CDH23: variants seen among roughly 807,000 people sequenced by gnomAD.
CDH23 encodes the protein cadherin related 23.
A neutral mutation model predicts 317.1 loss-of-function variants in CDH23; 189 were observed. That is an observed-to-expected ratio of 0.60 (90% CI 0.53 to 0.67). The LOEUF (loss-of-function observed/expected upper bound fraction) is 0.67, where lower values mean the gene tolerates loss of function less well. Among genes scored for constraint, CDH23 ranks in the 30% least tolerant of loss-of-function variants. The pLI, the probability that CDH23 is intolerant of heterozygous loss-of-function variation, is 0.00. For missense variants in CDH23, 4,401 were observed against 4,592.4 expected (o/e 0.96, Z 1.20); for synonymous variants, 1,839 against 1,876.8 (o/e 0.98, Z 0.52).
chr10:71,734,578 G>A, intron 33 of CDH23, 78 bp from the exon 34 acceptor site: 1 of 1,603,462 alleles, frequency 6.2e-7, no homozygotes, highest in South Asian at 1.1e-5. Context: ...AGTGGGGTCT[G>A]GAAGAGCCAC....
intron 3 of CDH23, among the ~76,000 whole-genome samples, chr10:71,452,346 G>T (rs748300424): frequency 6.6e-6 from 1 of 152,180 alleles, no homozygotes. Flanking sequence ...GTAACCGCCC[G>T]CAGCCAGAAG....
At chr10:71,728,843 A>G (rs990165757) in intron 30 of CDH23, among the ~76,000 whole-genome samples, 1 of 152,122 alleles carries the variant, frequency 6.6e-6, no homozygotes, top group Admixed American at 6.5e-5. Context: ...AGCTGGGATT[A>G]CAGATGCATG....
chr10:71,724,748 C>T (rs1210673535), intron 29 of CDH23, among the ~76,000 whole-genome samples: 1 of 152,244 alleles, frequency 6.6e-6, no homozygotes, highest in African/African-American at 2.4e-5. Flanking sequence ...CAATCAGAAT[C>T]CAGTGCCCAT....
chr10:71,610,030 A>T (rs1164702388), intron 9 of CDH23, among the ~76,000 whole-genome samples: 1 of 151,262 alleles, frequency 6.6e-6, no homozygotes, highest in African/African-American at 2.4e-5. Flanking sequence ...AGAGAGACGG[A>T]GTCTCACTCT....
intron 9 of CDH23, among the ~76,000 whole-genome samples, chr10:71,586,417 G>C (rs572683267): frequency 6.6e-6 from 1 of 152,100 alleles, no homozygotes; most frequent in Non-Finnish European, 1.5e-5. Context: ...GTCCACCTCT[G>C]GTACACAGAA....
intron 32 of CDH23, 99 bp from the exon 33 acceptor site, chr10:71,734,141 G>A (rs568864792): frequency 2.5e-4 from 244 of 966,640 alleles, no homozygotes; most frequent in Non-Finnish European, 3.6e-4. Context: ...AAGTTATGCC[G>A]GACAGAGGAA....
At chr10:71,549,401 G>A (rs10999875) in intron 6 of CDH23, among the ~76,000 whole-genome samples, 15,406 of 152,316 alleles carry the variant, frequency 0.1, 939 homozygotes, top group African/African-American at 0.17. Context: ...TGGGGTTGGA[G>A]GGACTCCAGA....
intron 30 of CDH23, 64 bp downstream of exon 30, chr10:71,725,584 A>G: frequency 6.5e-7 from 1 of 1,548,956 alleles, no homozygotes; most frequent in Non-Finnish European, 8.8e-7. Context: ...GCTAGAACAG[A>G]GAAGGCCATT....
intron 2 of CDH23, among the ~76,000 whole-genome samples, chr10:71,443,474 C>T (rs1849998473): frequency 6.6e-6 from 1 of 152,242 alleles, no homozygotes; most frequent in African/African-American, 2.4e-5. Flanking sequence ...CCTCTCTGTG[C>T]CCTTCTCTCC....
chr10:71,459,677 C>T (rs1850881049), intron 3 of CDH23, among the ~76,000 whole-genome samples: 1 of 152,184 alleles, frequency 6.6e-6, no homozygotes, highest in African/African-American at 2.4e-5. Context: ...AATGCAGCTG[C>T]CTACCAACAG....
At chr10:71,543,257 G>T (rs1415087004) in intron 6 of CDH23, among the ~76,000 whole-genome samples, 2 of 152,186 alleles carry the variant, frequency 1.3e-5, no homozygotes, top group Non-Finnish European at 2.9e-5. Flanking sequence ...AGCCCAGTAT[G>T]GTCCAGAACT....
At chr10:71,690,751 C>G (rs1159433047) in intron 20 of CDH23, among the ~76,000 whole-genome samples, 167 bp downstream of exon 20, 2 of 152,202 alleles carry the variant, frequency 1.3e-5, no homozygotes, top group African/African-American at 4.8e-5. Flanking sequence ...AGTGTGATTA[C>G]TGATCTTACC....
intron 44 of CDH23, among the ~76,000 whole-genome samples, chr10:71,786,782 G>A (rs1841120043): frequency 6.6e-6 from 1 of 152,126 alleles, no homozygotes; most frequent in African/African-American, 2.4e-5. Context: ...ACAGGTGTGA[G>A]CCACCATGCC....
chr10:71,752,992 C>T lies in CDH23; in HGVS notation c.4845+11071C>T, dbSNP rs956308506. ...GGCCTTACCTGTCCATCCGCACCAG[C>T]TCCTGGGCACCTAGGGACAGACAGA... On this transcript the variant is annotated intron_variant, in intron 38 of 69. Coordinates refer to ENST00000224721, the MANE Select transcript of CDH23 (RefSeq NM_022124.6). 1.9e-6 allele frequency: 3 copies of T among 1,612,948 alleles called. No homozygotes were observed. In the Admixed American group the frequency reaches 5.0e-5, roughly 27 times the overall value.
At chr10:71,432,375 G>C (rs10999809) in intron 1 of CDH23, among the ~76,000 whole-genome samples, 46,966 of 148,010 alleles carry the variant, frequency 0.32, 7,515 homozygotes, top group Middle Eastern at 0.45. Flanking sequence ...GTGTGTGTTT[G>C]AGAGTGTGTG....
intron 30 of CDH23, among the ~76,000 whole-genome samples, chr10:71,727,859 G>A (rs544858065): frequency 4.2e-4 from 64 of 152,304 alleles, no homozygotes; most frequent in African/African-American, 1.4e-3. Flanking sequence ...GCAAGAACCT[G>A]ACAGACCTCT....
chr10:71,669,424 C>T (rs1206576911), intron 14 of CDH23, among the ~76,000 whole-genome samples: 1 of 151,938 alleles, frequency 6.6e-6, no homozygotes, highest in African/African-American at 2.4e-5. Context: ...TATTTCTCCC[C>T]TTGGTGATCT....
intron 6 of CDH23, among the ~76,000 whole-genome samples, chr10:71,521,587 T>G (rs1374960765): frequency 1.3e-5 from 2 of 152,200 alleles, no homozygotes; most frequent in African/African-American, 4.8e-5. Flanking sequence ...ACCATCTTCC[T>G]TCCTGCCAGG....
chr10:71,530,988 G>C (rs1040896225), intron 6 of CDH23, among the ~76,000 whole-genome samples: 2 of 152,236 alleles, frequency 1.3e-5, no homozygotes, highest in East Asian at 3.8e-4. Flanking sequence ...CCTTGCTTTG[G>C]CATGAGGCTC....
Sources: allele counts gnomAD v4.1 joint callset (sites outside exome capture counted in the v4.1 genomes callset), GRCh38; gene constraint gnomAD v4.1.1; transcripts MANE v1.5; gene names NCBI Gene and HGNC (gene_info 2026-07-23, HGNC 2026-07-21).